The following PABPC4L variants were observed in gnomAD, a reference collection of about 807,000 sequenced individuals.
PABPC4L encodes polyadenylate-binding protein 4-like.
For synonymous variants in PABPC4L, 169 were observed against 164.1 expected (o/e 1.03, Z -0.23); for missense variants, 452 against 451.4 (o/e 1.00, Z -0.01).
the PABPC4L span, among the ~76,000 whole-genome samples, chr4:134,065,898 T>C: frequency 6.6e-6 from 1 of 152,132 alleles, no homozygotes; most frequent in Admixed American, 6.6e-5. Context: ...TTTTTGTCTA[T>C]CTTGTTGAAT....
the PABPC4L span, among the ~76,000 whole-genome samples, chr4:134,189,301 G>A: frequency 7.8e-6 from 1 of 128,886 alleles, no homozygotes; most frequent in Admixed American, 8.7e-5. Context: ...TGGTTGTGAT[G>A]CTTGCTGTAT....
the PABPC4L span, among the ~76,000 whole-genome samples, chr4:133,977,233 G>A: frequency 2.2e-3 from 342 of 152,034 alleles, no homozygotes; most frequent in African/African-American, 7.5e-3. Context: ...GAGATGTGTG[G>A]TTTTATTTCT....
At chr4:134,057,336 T>C in the PABPC4L span, among the ~76,000 whole-genome samples, 1 of 152,058 alleles carries the variant, frequency 6.6e-6, no homozygotes, top group Non-Finnish European at 1.5e-5. Flanking sequence ...GTCTTTTCTG[T>C]GGGGAGTTAC....
the PABPC4L span, among the ~76,000 whole-genome samples, chr4:134,018,521 C>T: frequency 6.6e-6 from 1 of 152,294 alleles, no homozygotes; most frequent in East Asian, 1.9e-4. Flanking sequence ...CTCCACCCAC[C>T]TTCAAGGAGT....
the PABPC4L span, among the ~76,000 whole-genome samples, chr4:134,116,589 T>C: frequency 6.6e-6 from 1 of 151,846 alleles, no homozygotes; most frequent in Non-Finnish European, 1.5e-5. Flanking sequence ...TACTTACTTA[T>C]TTCTATCTAT....
At chr4:133,978,334 G>A in the PABPC4L span, among the ~76,000 whole-genome samples, 1 of 152,182 alleles carries the variant, frequency 6.6e-6, no homozygotes, top group African/African-American at 2.4e-5. Context: ...CAGGATGGGT[G>A]TGGTGGCTTA....
At chr4:134,016,529 TCA>T in the PABPC4L span, among the ~76,000 whole-genome samples, 1 of 152,116 alleles carries the variant, frequency 6.6e-6, no homozygotes, top group African/African-American at 2.4e-5. Context: ...CTTATATCCC[TCA>T]CTTTCAGTTT....
chr4:133,972,393 C>T, the PABPC4L span, among the ~76,000 whole-genome samples: 3 of 152,078 alleles, frequency 2.0e-5, no homozygotes, highest in African/African-American at 7.2e-5. Flanking sequence ...ATAGCAAATA[C>T]TGTTATGTGT....
the PABPC4L span, among the ~76,000 whole-genome samples, chr4:134,031,905 C>A: frequency 6.6e-6 from 1 of 151,796 alleles, no homozygotes; most frequent in African/African-American, 2.4e-5. Flanking sequence ...TGTAATAAAT[C>A]TATACCTAAT....
the PABPC4L span, among the ~76,000 whole-genome samples, chr4:134,167,568 G>A: frequency 1.3e-5 from 2 of 151,622 alleles, no homozygotes; most frequent in Non-Finnish European, 2.9e-5. Context: ...ACACATAATA[G>A]AGTTACAATA....
the PABPC4L span, among the ~76,000 whole-genome samples, chr4:134,093,588 T>C: frequency 2.0e-5 from 3 of 151,054 alleles, 1 homozygote; most frequent in South Asian, 6.2e-4. Flanking sequence ...TTTTTTCTTT[T>C]TGAGACCAAG....
chr4:134,092,835 T>A, the PABPC4L span, among the ~76,000 whole-genome samples: 1 of 152,050 alleles, frequency 6.6e-6, no homozygotes, highest in African/African-American at 2.4e-5. Flanking sequence ...CCCGCCTCAT[T>A]TGGAAGTTTA....
the PABPC4L span, among the ~76,000 whole-genome samples, chr4:134,038,606 T>C: frequency 6.6e-6 from 1 of 152,052 alleles, no homozygotes. Flanking sequence ...AGTTTATTTG[T>C]GTAGAGGTGT....
At chr4:133,998,222 T>C in the PABPC4L span, among the ~76,000 whole-genome samples, 1 of 151,906 alleles carries the variant, frequency 6.6e-6, no homozygotes, top group Non-Finnish European at 1.5e-5. Context: ...TCTAAGGCTA[T>C]AATGATGGTC....
chr4:134,177,427 GC>G, the PABPC4L span, among the ~76,000 whole-genome samples: 1 of 151,970 alleles, frequency 6.6e-6, no homozygotes, highest in East Asian at 1.9e-4. Flanking sequence ...GCCCACCTCG[GC>G]CTCCAAAAGT....
chr4:134,186,041 A>G, the PABPC4L span, among the ~76,000 whole-genome samples: 4 of 152,222 alleles, frequency 2.6e-5, no homozygotes, highest in African/African-American at 9.6e-5. Context: ...AAAAGAGGAC[A>G]CAAACAAATG....
chr4:134,199,704 C>A lies in PABPC4L; in HGVS notation c.*203G>T. The A allele has an allele frequency of 3.5e-6, 2 of 564,316 alleles. No individual in the cohort carries two copies. Among genetic ancestry groups the A allele is most frequent in the South Asian group, 2.7e-5 (1 of 36,552 alleles). 35.0% of individuals were successfully genotyped at this position (564,316 alleles called of 1,614,324 possible). A position where few individuals can be genotyped will look rare whatever the true frequency, so the allele number is the denominator to read the frequency against. On this transcript the variant is annotated 3_prime_UTR_variant, in exon 2 of 2. Coordinates refer to ENST00000421491, the MANE Select transcript of PABPC4L (RefSeq NM_001114734.2). The stretch of plus-strand genomic sequence containing the variant: ...TGCAATATTAAAATTAGAAAATGTG[C>A]CTCTGTAAAATGAACTAAGCTCCAT...
In PABPC4L at chr4:134,199,903, T is replaced by C; in HGVS notation, c.*4A>G. On this transcript the variant is annotated 3_prime_UTR_variant, in exon 2 of 2. Coordinates refer to ENST00000421491, the MANE Select transcript of PABPC4L (RefSeq NM_001114734.2). ...TACTAGCTGGAAAGGTACGTTTTTCTTTCCTAGTGTCTCTGGGCCAAGGCA... is the reference window on the plus strand; with the variant it reads ...TACTAGCTGGAAAGGTACGTTTTTCCTTCCTAGTGTCTCTGGGCCAAGGCA... The C allele has an allele frequency of 6.5e-7, 1 of 1,549,794 alleles. No individual in the cohort carries two copies. The highest frequency in any genetic ancestry group is 8.7e-7 in the Non-Finnish European group (1 of 1,146,522).
the PABPC4L span, among the ~76,000 whole-genome samples, chr4:133,981,477 A>G: frequency 6.6e-6 from 1 of 152,156 alleles, no homozygotes; most frequent in African/African-American, 2.4e-5. Flanking sequence ...AAATTGCATT[A>G]CTAATGTTAT....
Sources: allele counts gnomAD v4.1 joint callset (sites outside exome capture counted in the v4.1 genomes callset), GRCh38; gene constraint gnomAD v4.1.1; transcripts MANE v1.5; gene names NCBI Gene and HGNC (gene_info 2026-07-23, HGNC 2026-07-21).